Variants in ERICH6B observed in about 807,000 individuals in gnomAD.
The protein encoded by ERICH6B is glutamate rich 6B.
ERICH6B carries 69 observed loss-of-function variants against 80.0 expected under a neutral mutation model. The observed-to-expected ratio is 0.86, with a 90% confidence interval of 0.71 to 1.05. The LOEUF is 1.05. Among genes scored for constraint, ERICH6B ranks in the 50% least tolerant of loss-of-function variants. The pLI is 0.00. For missense variants in ERICH6B, 754 were observed against 796.1 expected, an observed-to-expected ratio of 0.95 and a Z score of 0.64; for synonymous variants, 283 against 291.9, an observed-to-expected ratio of 0.97 and a Z score of 0.31.
intron 5 of ERICH6B, among the ~76,000 whole-genome samples, chr13:45,583,034 G>T (rs1277114329): frequency 1.3e-5 from 2 of 152,120 alleles, no homozygotes; most frequent in Non-Finnish European, 2.9e-5. Flanking sequence ...CTCTCAGTAC[G>T]TACAAATTCT....
intron 14 of ERICH6B, among the ~76,000 whole-genome samples, chr13:45,543,524 G>C (rs571445348): frequency 1.3e-5 from 2 of 152,284 alleles, no homozygotes; most frequent in East Asian, 3.9e-4. Context: ...AGAGAAGAAG[G>C]CTGTGTGAAG....
At chr13:45,562,675 C>A (rs1874736890) in intron 10 of ERICH6B, among the ~76,000 whole-genome samples, 5 of 152,134 alleles carry the variant, frequency 3.3e-5, no homozygotes, top group Admixed American at 2.6e-4. Context: ...TGGGAGGGAA[C>A]TTAACCGGGC....
chr13:45,555,000 G>A (rs1255607073), intron 11 of ERICH6B, among the ~76,000 whole-genome samples: 1 of 152,196 alleles, frequency 6.6e-6, no homozygotes, highest in Admixed American at 6.5e-5. Context: ...TGAATGGTAG[G>A]TGAGAGAGGA....
intron 8 of ERICH6B, among the ~76,000 whole-genome samples, chr13:45,573,822 G>T (rs908671505): frequency 6.6e-6 from 1 of 152,206 alleles, no homozygotes; most frequent in African/African-American, 2.4e-5. Context: ...TGAATAATTT[G>T]TGTCTAACTA....
chr13:45,590,454 C>A (rs2138014466), intron 4 of ERICH6B, among the ~76,000 whole-genome samples, 195 bp downstream of exon 4: 1 of 152,156 alleles, frequency 6.6e-6, no homozygotes, highest in African/African-American at 2.4e-5. Context: ...GGACTCTGAT[C>A]TTGGGACCTG....
intron 2 of ERICH6B, among the ~76,000 whole-genome samples, chr13:45,597,694 C>T (rs937296087): frequency 3.9e-5 from 6 of 152,214 alleles, no homozygotes; most frequent in African/African-American, 1.4e-4. Flanking sequence ...AGGAAGGCTT[C>T]CAGGCTCCCT....
At chr13:45,585,979 G>T (rs954365506) in intron 5 of ERICH6B, among the ~76,000 whole-genome samples, 2 of 151,886 alleles carry the variant, frequency 1.3e-5, no homozygotes, top group Admixed American at 1.3e-4. Flanking sequence ...ATCCTCTCAA[G>T]CTTAGCATTG....
At chr13:45,593,430 T>C (rs1876234895) in intron 3 of ERICH6B, among the ~76,000 whole-genome samples, 3 of 152,208 alleles carry the variant, frequency 2.0e-5, no homozygotes, top group Admixed American at 2.0e-4. Context: ...ATAATACTTA[T>C]AATGGCTAAC....
chr13:45,591,009 G>A (rs1876135205), intron 3 of ERICH6B, among the ~76,000 whole-genome samples: 1 of 152,206 alleles, frequency 6.6e-6, no homozygotes, highest in African/African-American at 2.4e-5. Context: ...TCCAGCAGAG[G>A]TGACTGAGGT....
At chr13:45,586,155 G>A (rs1875891370) in intron 5 of ERICH6B, among the ~76,000 whole-genome samples, 1 of 152,114 alleles carries the variant, frequency 6.6e-6, no homozygotes, top group Non-Finnish European at 1.5e-5. Context: ...CCAGTGAACC[G>A]ATGTAGCCTG....
chr13:45,612,744 C>A (rs1183615889), intron 1 of ERICH6B, among the ~76,000 whole-genome samples: 3 of 152,174 alleles, frequency 2.0e-5, no homozygotes, highest in Admixed American at 6.5e-5. Context: ...TGTGTTTTCA[C>A]ATGACAGACT....
intron 1 of ERICH6B, among the ~76,000 whole-genome samples, chr13:45,611,187 C>T (rs903136534): frequency 2.6e-5 from 4 of 152,094 alleles, no homozygotes; most frequent in African/African-American, 7.2e-5. Context: ...AGCATCCAAC[C>T]GAATGCTAGA....
chr13:45,606,150 A>G (rs1380235065), intron 2 of ERICH6B, among the ~76,000 whole-genome samples: 1 of 152,216 alleles, frequency 6.6e-6, no homozygotes, highest in Non-Finnish European at 1.5e-5. Flanking sequence ...TAGAGTTCCT[A>G]CTTGCTAAAA....
chr13:45,554,017 GAT>G (rs1874333640), intron 11 of ERICH6B, among the ~76,000 whole-genome samples: 7 of 152,032 alleles, frequency 4.6e-5, no homozygotes, highest in Admixed American at 4.6e-4. Context: ...GCAATGTATT[GAT>G]ATATATAATA....
At chr13:45,545,371 G>A (rs1355189272) in intron 13 of ERICH6B, among the ~76,000 whole-genome samples, 3 of 152,114 alleles carry the variant, frequency 2.0e-5, no homozygotes, top group Non-Finnish European at 4.4e-5. Flanking sequence ...GGTTCCCTAC[G>A]GGACTCTGTT....
Position 45,580,629 on chromosome 13 carries a change from TC to T in ERICH6B, c.892del (p.Glu298LysfsTer37). On this transcript the variant is annotated frameshift_variant, in exon 6 of 15. Coordinates refer to ENST00000298738, the MANE Select transcript of ERICH6B (RefSeq NM_182542.3). LOFTEE classifies it high-confidence loss of function. ...SLKSKSETEQ[E>X]TTTKLAPEEH... The stretch of plus-strand genomic sequence containing the variant: ...TTCCGGAGCCAGCTTCGTGGTGGTT[TC>T]TTGCTCTGTTTCTGATTTCGATTTT... 1 of 1,551,748 alleles carries T rather than the reference TC, an allele frequency of 6.4e-7. No individual in the cohort carries two copies. Among genetic ancestry groups the T allele is most frequent in the Non-Finnish European group, 8.7e-7 (1 of 1,147,002 alleles).
intron 5 of ERICH6B, among the ~76,000 whole-genome samples, chr13:45,583,273 CT>C (rs890558247): frequency 6.6e-6 from 1 of 152,066 alleles, no homozygotes; most frequent in Non-Finnish European, 1.5e-5. Context: ...TCTGTCTTGA[CT>C]TTTTTTGGCT....
At chr13:45,588,817 C>A (rs75777259) in intron 4 of ERICH6B, among the ~76,000 whole-genome samples, 1 of 152,176 alleles carries the variant, frequency 6.6e-6, no homozygotes, top group Non-Finnish European at 1.5e-5. Context: ...CGGGTTCTAG[C>A]CACCTGGGCT....
At chr13:45,574,058 A>T (rs535979161) in intron 8 of ERICH6B, among the ~76,000 whole-genome samples, 126 of 152,326 alleles carry the variant, frequency 8.3e-4, no homozygotes, top group African/African-American at 3.0e-3. Flanking sequence ...CTCAATTAAA[A>T]ACATTTACAA....
Sources: allele counts gnomAD v4.1 joint callset (sites outside exome capture counted in the v4.1 genomes callset), GRCh38; gene constraint gnomAD v4.1.1; transcripts MANE v1.5; gene names NCBI Gene and HGNC (gene_info 2026-07-23, HGNC 2026-07-21).